FRAS1: variants seen among roughly 807,000 people sequenced by gnomAD.
The protein encoded by FRAS1 is Fraser extracellular matrix complex subunit 1, also known as extracellular matrix organizing protein FRAS1.
FRAS1 carries 290 observed loss-of-function variants against 435.2 expected under a neutral mutation model. The observed-to-expected ratio is 0.67, with a 90% CI of 0.61 to 0.73. The LOEUF is 0.73. FRAS1 is among the 30% of genes least tolerant of loss of function. The probability of loss-of-function intolerance (pLI) is 0.00; values close to 1 mark genes in which losing one functional copy is unlikely to be tolerated. For missense variants in FRAS1, 4,860 were observed against 5,001.5 expected, an observed-to-expected ratio of 0.97 and a Z score of 0.85; for synonymous variants, 1,800 against 1,851.0, an observed-to-expected ratio of 0.97 and a Z score of 0.71.
chr4:78,162,812 G>A (rs1055758195), intron 2 of FRAS1, among the ~76,000 whole-genome samples: 2 of 152,194 alleles, frequency 1.3e-5, no homozygotes, highest in Non-Finnish European at 2.9e-5. Context: ...TGAAAAGAAG[G>A]TAAGTTGTTA....
At chr4:78,324,927 G>A (rs1243749133) in intron 18 of FRAS1, among the ~76,000 whole-genome samples, 1 of 151,948 alleles carries the variant, frequency 6.6e-6, no homozygotes, top group Non-Finnish European at 1.5e-5. Flanking sequence ...TTTCCATGCA[G>A]TTCAGCATGA....
At chr4:78,305,376 G>T (rs1002053229) in intron 14 of FRAS1, among the ~76,000 whole-genome samples, 1 of 150,860 alleles carries the variant, frequency 6.6e-6, no homozygotes, top group Non-Finnish European at 1.5e-5. Flanking sequence ...TGTCTATTAG[G>T]TCTGCTTGGT....
chr4:78,332,709 C>CTATA, intron 18 of FRAS1, among the ~76,000 whole-genome samples: 1 of 84,686 alleles, frequency 1.2e-5, no homozygotes, highest in East Asian at 2.5e-4. Flanking sequence ...ATTCTCTGTG[C>CTATA]TATACTCTTT....
At chr4:78,360,681 G>A (rs1442733862) in intron 20 of FRAS1, among the ~76,000 whole-genome samples, 2 of 152,180 alleles carry the variant, frequency 1.3e-5, no homozygotes, top group African/African-American at 2.4e-5. Context: ...GAGTGGGGTA[G>A]TGACTTCAGA....
rs554761702 is a variant in FRAS1, at chr4:78,329,915, A to G, written c.2138-3357A>G. Among the ~76,000 whole-genome samples, 14 of 152,310 alleles carry G rather than the reference A, an allele frequency of 9.2e-5. No homozygotes were observed. The South Asian group carries it at 2.1e-3, about 23-fold the overall frequency. On this transcript the variant is annotated intron_variant, in intron 18 of 73. Transcript: ENST00000512123. ...TTAAGTCTATTGGGGGCTCCACTGT[A>G]GTAAATTTTGGAATTATGTTTCTCT... is the stretch of plus-strand genomic sequence containing the variant.
At chr4:78,285,976 T>C (rs1203615622) in intron 13 of FRAS1, among the ~76,000 whole-genome samples, 1 of 152,208 alleles carries the variant, frequency 6.6e-6, no homozygotes, top group Non-Finnish European at 1.5e-5. Context: ...CATACAGTAT[T>C]GGAAAAGGGG....
At chr4:78,232,309 A>G (rs2110109434) in intron 2 of FRAS1, among the ~76,000 whole-genome samples, 1 of 150,504 alleles carries the variant, frequency 6.6e-6, no homozygotes, top group South Asian at 2.1e-4. Flanking sequence ...TTTTTGAGAC[A>G]ATGTCTCACT....
intron 2 of FRAS1, among the ~76,000 whole-genome samples, chr4:78,085,279 G>C (rs1578113012): frequency 1.3e-5 from 2 of 152,080 alleles, no homozygotes; most frequent in African/African-American, 4.8e-5. Context: ...ATGTTTAAGG[G>C]TCACTGACAT....
intron 2 of FRAS1, among the ~76,000 whole-genome samples, chr4:78,145,624 C>A (rs548813488): frequency 2.6e-5 from 4 of 152,194 alleles, no homozygotes; most frequent in African/African-American, 7.2e-5. Flanking sequence ...GCTCAGCAAA[C>A]ACAATTTATA....
At chr4:78,414,319 G>A (rs1331969136) in intron 32 of FRAS1, among the ~76,000 whole-genome samples, 5 of 152,204 alleles carry the variant, frequency 3.3e-5, no homozygotes, top group Non-Finnish European at 7.3e-5. Context: ...AGGAAATAAT[G>A]GGCCAGGAGC....
chr4:78,230,500 G>A (rs1433537775), intron 2 of FRAS1, among the ~76,000 whole-genome samples: 1 of 152,118 alleles, frequency 6.6e-6, no homozygotes, highest in Non-Finnish European at 1.5e-5. Context: ...AGGGCACTTG[G>A]GGAAAGAATT....
chr4:78,534,006 G>A (rs1369275595), intron 70 of FRAS1, among the ~76,000 whole-genome samples: 3 of 152,194 alleles, frequency 2.0e-5, no homozygotes, highest in East Asian at 1.9e-4. Context: ...TAGGCACACA[G>A]AGCAAGGCAA....
chr4:78,267,174 C>T lies in FRAS1; in HGVS notation c.790-67C>T, dbSNP rs983122059. On this transcript the variant is annotated intron_variant, in intron 8 of 73. Coordinates refer to ENST00000512123, the MANE Select transcript of FRAS1 (RefSeq NM_025074.7). ...AGCTTTGGTATTTTGGGTCCTCCTGCCTCTGTTGGCTTGGGTGTTTCACCG... is the reference window on the plus strand; with the variant it reads ...AGCTTTGGTATTTTGGGTCCTCCTGTCTCTGTTGGCTTGGGTGTTTCACCG... 8 of 1,507,556 alleles carry T rather than the reference C, an allele frequency of 5.3e-6. No homozygotes were observed. The East Asian group carries it at 1.4e-4, about 26-fold the overall frequency. 93.4% of individuals were successfully genotyped at this position (1,507,556 alleles called of 1,614,324 possible).
chr4:78,122,472 A>G (rs1360195246), intron 2 of FRAS1, among the ~76,000 whole-genome samples: 1 of 152,150 alleles, frequency 6.6e-6, no homozygotes, highest in Non-Finnish European at 1.5e-5. Context: ...ACTGATTTGT[A>G]ATCCTTTGGG....
intron 4 of FRAS1, among the ~76,000 whole-genome samples, chr4:78,248,694 A>G (rs1002749373): frequency 6.6e-6 from 1 of 152,194 alleles, no homozygotes; most frequent in Non-Finnish European, 1.5e-5. Flanking sequence ...CTATAACTCC[A>G]TAACAGGAAC....
rs1720625977 is a variant in FRAS1 at position 78,499,919 on chromosome 4, C to T, written c.9314C>T (p.Pro3105Leu). ...AAGAGCCGAGTCTTGAAGTTCAGTC[C>T]CGGTAATTGAATGCCAACCTCAATC... The part of the protein sequence containing the change: ...YPKSRVLKFS[P>L]GVDHIFFKVE... Residue 3105 changes from proline (P) to leucine (L), a missense_variant and splice_region_variant, in exon 61 of 74, where the codon CCC becomes CTC. Transcript: ENST00000512123. 1 of 1,536,616 alleles carries T rather than the reference C, an allele frequency of 6.5e-7. No individual in the cohort carries two copies. Among genetic ancestry groups the T allele is most frequent in the African/African-American group, 1.4e-5 (1 of 73,368 alleles).
intron 69 of FRAS1, among the ~76,000 whole-genome samples, chr4:78,523,250 G>T (rs1402171544): frequency 6.6e-6 from 1 of 152,210 alleles, no homozygotes; most frequent in Non-Finnish European, 1.5e-5. Context: ...AACCTATGGT[G>T]GGGAACTTAG....
chr4:78,135,438 T>A (rs1719880539), intron 2 of FRAS1, among the ~76,000 whole-genome samples: 1 of 152,186 alleles, frequency 6.6e-6, no homozygotes, highest in Non-Finnish European at 1.5e-5. Flanking sequence ...TTGAAATTAT[T>A]AATGACAGTT....
At chr4:78,144,410 CT>C (rs1478923955) in intron 2 of FRAS1, among the ~76,000 whole-genome samples, 1 of 151,620 alleles carries the variant, frequency 6.6e-6, no homozygotes, top group Non-Finnish European at 1.5e-5. Context: ...AAACCATCAT[CT>C]TTTCTTTTCC....
Sources: allele counts gnomAD v4.1 joint callset (sites outside exome capture counted in the v4.1 genomes callset), GRCh38; gene constraint gnomAD v4.1.1; transcripts MANE v1.5; gene names NCBI Gene and HGNC (gene_info 2026-07-23, HGNC 2026-07-21).